SRGAP3: variants seen among roughly 807,000 people sequenced by gnomAD.
SRGAP3 encodes the protein SLIT-ROBO Rho GTPase-activating protein 3.
A neutral mutation model predicts 121.1 loss-of-function variants in SRGAP3; 39 were observed. That is an observed-to-expected ratio of 0.32 (90% CI 0.25 to 0.42). The LOEUF (loss-of-function observed/expected upper bound fraction) is 0.42, where lower values mean the gene tolerates loss of function less well. SRGAP3 is among the 10% of genes least tolerant of loss of function. SRGAP3 has a pLI of 1.00. For synonymous variants in SRGAP3, 601 were observed against 570.0 expected (o/e 1.05, Z -0.77); for missense variants, 1,213 against 1,470.6 (o/e 0.82, Z 2.86).
chr3:9,092,741 TAGA>T (rs1368453240), intron 3 of SRGAP3, among the ~76,000 whole-genome samples: 1 of 152,206 alleles, frequency 6.6e-6, no homozygotes, highest in Non-Finnish European at 1.5e-5. Context: ...GGCTCTGCTT[TAGA>T]TCATCATAAA....
chr3:9,148,545 C>T (rs1283124506), intron 1 of SRGAP3, among the ~76,000 whole-genome samples: 1 of 152,192 alleles, frequency 6.6e-6, no homozygotes, highest in Non-Finnish European at 1.5e-5. Flanking sequence ...AGGGTACCCC[C>T]ATTTCCAATA....
rs1466703995 is a variant in SRGAP3 at position 9,302,841 on chromosome 3, T to C, written n.442+23169A>G. ...GGTACAAGGGGGAGAGGCTCTGCAA[T>C]CCGAGCAAGGGGCTTCAGTTCTCTG... is the stretch of plus-strand genomic sequence containing the variant. On this transcript the variant is annotated intron_variant and non_coding_transcript_variant, in intron 3 of 3. Transcript: ENST00000490889. Among the ~76,000 whole-genome samples the C allele has an allele frequency of 2.0e-5, 3 of 152,092 alleles. No individual in the cohort carries two copies. In the South Asian group the frequency reaches 6.2e-4, roughly 31 times the overall value.
At chr3:9,343,570 A>T (rs1955829525) in intron 1 of SRGAP3, among the ~76,000 whole-genome samples, 1 of 152,210 alleles carries the variant, frequency 6.6e-6, no homozygotes, top group Non-Finnish European at 1.5e-5. Context: ...ACAAAAACAC[A>T]ATTACTAGTA....
chr3:9,148,582 T>C (rs1950103172), intron 1 of SRGAP3, among the ~76,000 whole-genome samples: 1 of 152,246 alleles, frequency 6.6e-6, no homozygotes, highest in African/African-American at 2.4e-5. Context: ...GAGTGTTTGA[T>C]ATTTTTTTGA....
intron 3 of SRGAP3, among the ~76,000 whole-genome samples, chr3:9,297,320 A>C (rs993047343): frequency 3.9e-5 from 6 of 152,096 alleles, no homozygotes; most frequent in African/African-American, 7.2e-5. Flanking sequence ...AACTAAAGAC[A>C]CTTGTGGGTA....
At chr3:9,083,620 C>T (rs1415427860) in intron 3 of SRGAP3, among the ~76,000 whole-genome samples, 1 of 152,154 alleles carries the variant, frequency 6.6e-6, no homozygotes, top group African/African-American at 2.4e-5. Context: ...TTAGCCAGCT[C>T]CTTAGGGATG....
chr3:8,994,610 G>T, intron 18 of SRGAP3, 87 bp from the exon 19 acceptor site: 2 of 1,539,752 alleles, frequency 1.3e-6, no homozygotes, highest in East Asian at 2.3e-5. Flanking sequence ...GGCTTCTCTG[G>T]GGAAGGATAG....
intron 3 of SRGAP3, among the ~76,000 whole-genome samples, chr3:9,306,167 T>G (rs1202102349): frequency 1.3e-5 from 2 of 152,264 alleles, no homozygotes; most frequent in Non-Finnish European, 2.9e-5. Flanking sequence ...TGACCAGTGA[T>G]GACGAGCATT....
intron 12 of SRGAP3, among the ~76,000 whole-genome samples, chr3:9,032,335 A>G (rs572789362): frequency 6.6e-6 from 1 of 152,282 alleles, no homozygotes; most frequent in East Asian, 1.9e-4. Context: ...AGGTGTTAGG[A>G]CTGCAGTTGC....
chr3:9,258,220 T>C (rs1954176526), intron 3 of SRGAP3, among the ~76,000 whole-genome samples: 1 of 152,144 alleles, frequency 6.6e-6, no homozygotes, highest in Admixed American at 6.5e-5. Context: ...AGAAGCGGTT[T>C]CTTGGAGGCG....
intron 1 of SRGAP3, among the ~76,000 whole-genome samples, chr3:9,343,040 T>C (rs1373532094): frequency 6.6e-6 from 1 of 152,216 alleles, no homozygotes; most frequent in Non-Finnish European, 1.5e-5. Flanking sequence ...TGGCATCCCC[T>C]GCTCAGCTCT....
rs1396662305 is a variant in SRGAP3 at position 9,109,220 on chromosome 3, C to T, written c.261-4378G>A. 1.3e-5 allele frequency among the ~76,000 whole-genome samples: 2 copies of T among 152,090 alleles called. No homozygotes were observed. The highest frequency in any genetic ancestry group is 3.9e-4 in the East Asian group (2 of 5,194). ...TTAAATTGTGCAAAATTATGGAAGC[C>T]ACAGCCAGAAGGTGAGTTTCAGAGG... is the stretch of plus-strand genomic sequence containing the variant. On this transcript the variant is annotated intron_variant, in intron 2 of 21. Transcript: ENST00000383836. This position sits in a 1 kb window ranked among gnomAD's most constrained non-coding sequence, Gnocchi z 4.4.
At chr3:9,248,231 G>A (rs1953895536) in intron 1 of SRGAP3, among the ~76,000 whole-genome samples, 1 of 152,212 alleles carries the variant, frequency 6.6e-6, no homozygotes, top group Non-Finnish European at 1.5e-5. Context: ...GAGTGATTGG[G>A]CTGCACACTG....
chr3:9,211,228 A>T (rs933564413), intron 1 of SRGAP3, among the ~76,000 whole-genome samples: 2 of 152,212 alleles, frequency 1.3e-5, no homozygotes, highest in Non-Finnish European at 2.9e-5. Context: ...GGGAAGGTTG[A>T]AAATTGACTC....
At chr3:9,217,028 G>T (rs1307285069) in intron 1 of SRGAP3, 1 of 152,126 alleles carries the variant, frequency 6.6e-6, no homozygotes, top group East Asian at 1.9e-4. Flanking sequence ...GGGAGTTCCT[G>T]TTCACTGGGT....
chr3:9,072,702 G>A (rs536397598), intron 4 of SRGAP3, among the ~76,000 whole-genome samples: 34 of 152,350 alleles, frequency 2.2e-4, no homozygotes, highest in African/African-American at 7.5e-4. Context: ...GGGGGAAACC[G>A]AGTGTCAGAG....
intron 1 of SRGAP3, among the ~76,000 whole-genome samples, chr3:9,167,880 C>T (rs961874920): frequency 3.3e-5 from 5 of 152,298 alleles, no homozygotes; most frequent in South Asian, 2.1e-4. Context: ...TGCCTCCAAG[C>T]GCACTCCATG....
chr3:9,296,361 T>C (rs182341356), intron 3 of SRGAP3, among the ~76,000 whole-genome samples: 56 of 152,322 alleles, frequency 3.7e-4, no homozygotes, highest in Admixed American at 3.1e-3. Context: ...TCTCACTGTG[T>C]CTTCAGTTTG....
At chr3:9,142,477 C>T (rs933444974) in intron 1 of SRGAP3, among the ~76,000 whole-genome samples, 1 of 152,198 alleles carries the variant, frequency 6.6e-6, no homozygotes, top group African/African-American at 2.4e-5. Flanking sequence ...ACTTACTACC[C>T]CTATATAAAT....
Sources: gnomAD v4.1 joint callset for allele counts (sites outside exome capture counted in the v4.1 genomes callset) on GRCh38, gnomAD v4.1.1 for gene constraint, Gnocchi (gnomAD v3.1) non-coding constraint, MANE v1.5 for transcripts, NCBI Gene and HGNC (gene_info 2026-07-23, HGNC 2026-07-21) for gene names.